The following MAPK10 variants were observed in gnomAD, a reference collection of about 807,000 sequenced individuals.
The protein encoded by MAPK10 is JNK3 alpha protein kinase.
MAPK10 carries 25 observed loss-of-function variants against 59.3 expected under a neutral mutation model. The ratio of observed to expected loss-of-function variants is 0.42; its 90% CI spans 0.31 to 0.59. The LOEUF is 0.59. MAPK10 is among the 20% of genes least tolerant of loss of function. MAPK10 has a pLI of 0.15. For synonymous variants in MAPK10, 190 were observed against 200.5 expected, an observed-to-expected ratio of 0.95 and a Z score of 0.44; for missense variants, 351 against 568.9, an observed-to-expected ratio of 0.62 and a Z score of 3.90.
chr4:86,509,478 CA>C (rs994408361), intron 1 of MAPK10, among the ~76,000 whole-genome samples: 6 of 147,126 alleles, frequency 4.1e-5, no homozygotes, highest in African/African-American at 1.5e-4. Flanking sequence ...AAAAAACAAA[CA>C]AAAAAAAACC....
intron 1 of MAPK10, among the ~76,000 whole-genome samples, chr4:86,512,392 T>A (rs1756347905): frequency 6.6e-6 from 1 of 152,174 alleles, no homozygotes; most frequent in Admixed American, 6.5e-5. Flanking sequence ...AGAACGTGCA[T>A]AGAATGCCTG....
chr4:86,277,126 A>G (rs568543379), intron 2 of MAPK10: 2 of 150,984 alleles, frequency 1.3e-5, no homozygotes, highest in Non-Finnish European at 2.9e-5. Context: ...TCTAGCACCA[A>G]TTGTGACCAT....
chr4:86,547,687 G>A (rs979064348), intron 1 of MAPK10, among the ~76,000 whole-genome samples: 1 of 152,232 alleles, frequency 6.6e-6, no homozygotes, highest in South Asian at 2.1e-4. Flanking sequence ...AGGATCCACT[G>A]GGTGAAGCCA....
At chr4:86,029,304 A>C (rs1305843395) in intron 12 of MAPK10, 30 bp from the exon 13 acceptor site, 1 of 1,396,366 alleles carries the variant, frequency 7.2e-7, no homozygotes, top group African/African-American at 1.4e-5. Flanking sequence ...TATTATAGAA[A>C]ACAAATTTAT....
chr4:86,207,859 C>A lies in MAPK10; in HGVS notation c.-6-13452G>T, dbSNP rs893258112. On this transcript the variant is annotated intron_variant, in intron 2 of 13. Coordinates refer to ENST00000641462, the MANE Select transcript of MAPK10 (RefSeq NM_138982.4). The stretch of plus-strand genomic sequence containing the variant: ...TTTGGCTCTCTATTTGTCTGTTATT[C>A]GTGTATAAGAATGCTTGTGATTTTT... Among the ~76,000 whole-genome samples, 35 of 151,690 alleles carry A rather than the reference C, an allele frequency of 2.3e-4. No homozygotes were observed. The Middle Eastern group carries it at 0.01, about 44-fold the overall frequency.
intron 1 of MAPK10, among the ~76,000 whole-genome samples, chr4:86,582,784 C>T (rs1260873989): frequency 6.6e-6 from 1 of 152,078 alleles, no homozygotes; most frequent in African/African-American, 2.4e-5. Flanking sequence ...TGATACTTTA[C>T]ATAAAATTTA....
intron 1 of MAPK10, among the ~76,000 whole-genome samples, chr4:86,439,191 A>C (rs1749129490): frequency 3.9e-5 from 6 of 152,156 alleles, no homozygotes; most frequent in Admixed American, 3.9e-4. Context: ...GCATATAGTC[A>C]TATAGCTGCA....
rs551121524 is a variant in MAPK10, at chr4:86,182,663, C to T, written c.66+11673G>A. ...ATCATTCTGCCTCTAAAAATAAATACACTGTTTTCTTTAAATTGCTAGAGA... is the reference window on the plus strand; with the variant it reads ...ATCATTCTGCCTCTAAAAATAAATATACTGTTTTCTTTAAATTGCTAGAGA... On this transcript the variant is annotated intron_variant, in intron 3 of 13. Transcript: ENST00000641462. Among the ~76,000 whole-genome samples the T allele has an allele frequency of 2.1e-4, 32 of 152,150 alleles. No homozygotes were observed. The South Asian group carries it at 5.6e-3, about 27-fold the overall frequency.
At chr4:86,312,745 G>A (rs2095694664) in intron 2 of MAPK10, among the ~76,000 whole-genome samples, 1 of 152,056 alleles carries the variant, frequency 6.6e-6, no homozygotes, top group Admixed American at 6.6e-5. Context: ...TTTGTAATCA[G>A]AAGAATCCAG....
intron 1 of MAPK10, among the ~76,000 whole-genome samples, chr4:86,450,472 A>C (rs895150377): frequency 2.6e-4 from 39 of 152,248 alleles, no homozygotes; most frequent in African/African-American, 9.2e-4. Context: ...ATTTGAAAAC[A>C]GAAAGTATTA....
upstream of MAPK10, among the ~76,000 whole-genome samples, chr4:86,455,338 G>A (rs752370551): frequency 2.6e-5 from 4 of 151,984 alleles, no homozygotes; most frequent in African/African-American, 9.7e-5. Context: ...TAAAAGACAC[G>A]GAATTGCAGA....
intron 1 of MAPK10, chr4:86,358,076 C>G (rs1190367159): frequency 1.0e-6 from 1 of 985,154 alleles, no homozygotes; most frequent in East Asian, 1.1e-4. Flanking sequence ...GAAGGAAATA[C>G]ATACCAGAGG....
intron 1 of MAPK10, chr4:86,358,282 G>A: frequency 5.1e-6 from 5 of 985,338 alleles, no homozygotes; most frequent in Non-Finnish European, 6.0e-6. Context: ...ATGTTGATAA[G>A]CATTCTGTGT....
chr4:86,024,489 T>C (rs537968102), intron 13 of MAPK10: 1 of 152,172 alleles, frequency 6.6e-6, no homozygotes, highest in Non-Finnish European at 1.5e-5. Flanking sequence ...CAGCCCCTTA[T>C]TATATGTAGT....
intron 11 of MAPK10, among the ~76,000 whole-genome samples, chr4:86,036,356 A>G (rs1216994316): frequency 2.0e-5 from 3 of 152,084 alleles, no homozygotes; most frequent in Admixed American, 6.6e-5. Context: ...AAGGAAAGAA[A>G]CCATAGAACA....
chr4:86,337,493 C>T (rs1722230170), intron 2 of MAPK10, among the ~76,000 whole-genome samples: 1 of 152,148 alleles, frequency 6.6e-6, no homozygotes, highest in Non-Finnish European at 1.5e-5. Context: ...GGAGAAACTG[C>T]TTCACACCAA....
At chr4:86,559,568 A>T (rs1369752640) in intron 1 of MAPK10, among the ~76,000 whole-genome samples, 3 of 152,176 alleles carry the variant, frequency 2.0e-5, no homozygotes, top group African/African-American at 7.2e-5. Flanking sequence ...GGAAAGGGTG[A>T]AGAGAGGAAA....
intron 9 of MAPK10, among the ~76,000 whole-genome samples, chr4:86,097,407 T>C (rs2054449796): frequency 6.6e-6 from 1 of 152,010 alleles, no homozygotes; most frequent in African/African-American, 2.4e-5. Context: ...TTTTGTTTTT[T>C]ACTATTGGAC....
chr4:86,070,184 TA>T (rs1034149778), intron 9 of MAPK10, among the ~76,000 whole-genome samples: 8 of 152,184 alleles, frequency 5.3e-5, no homozygotes, highest in Non-Finnish European at 8.8e-5. Context: ...CAGTGATCTT[TA>T]AAAGTCTGTG....
Sources: gnomAD v4.1 joint callset for allele counts (sites outside exome capture counted in the v4.1 genomes callset) on GRCh38, gnomAD v4.1.1 for gene constraint, MANE v1.5 for transcripts, NCBI Gene and HGNC (gene_info 2026-07-23, HGNC 2026-07-21) for gene names.